MED13: variants seen among roughly 807,000 people sequenced by gnomAD.
The protein encoded by MED13 is mediator complex subunit 13.
MED13 carries 23 observed loss-of-function variants against 225.2 expected under a neutral mutation model. The ratio of observed to expected loss-of-function variants is 0.10; its 90% CI spans 0.07 to 0.14. MED13 has a LOEUF of 0.14. Among genes scored for constraint, MED13 ranks in the 10% least tolerant of loss-of-function variants. MED13 has a pLI of 1.00. For missense variants in MED13, 2,197 were observed against 2,594.5 expected, an observed-to-expected ratio of 0.85 and a Z score of 3.33; for synonymous variants, 942 against 889.2, an observed-to-expected ratio of 1.06 and a Z score of -1.06.
At chr17:62,049,596 G>A (rs542298835) in intron 3 of MED13, among the ~76,000 whole-genome samples, 1 of 152,118 alleles carries the variant, frequency 6.6e-6, no homozygotes, top group Non-Finnish European at 1.5e-5. Context: ...GAAAAAAAGG[G>A]ATAATCATTA....
intron 3 of MED13, among the ~76,000 whole-genome samples, chr17:62,050,289 C>T (rs1278933940): frequency 6.7e-6 from 1 of 149,186 alleles, no homozygotes; most frequent in Non-Finnish European, 1.5e-5. Flanking sequence ...ACCTGGGAGG[C>T]AGAGGTTGCA....
intron 3 of MED13, among the ~76,000 whole-genome samples, chr17:62,049,758 A>G (rs1045998803): frequency 5.9e-5 from 9 of 151,598 alleles, no homozygotes; most frequent in Non-Finnish European, 8.8e-5. Context: ...GTGAAACCCC[A>G]TCTCTACTAA....
rs560416231 is a variant in MED13 at position 62,043,374 on chromosome 17, T to G, written c.471-7766A>C. The stretch of plus-strand genomic sequence containing the variant: ...ACATAATAATCTTGATGACAGACAT[T>G]AAGGACAAAACATTATAGACAGGCT... On this transcript the variant is annotated intron_variant, in intron 3 of 29. Coordinates refer to ENST00000397786, the MANE Select transcript of MED13 (RefSeq NM_005121.3). Among the ~76,000 whole-genome samples, 7 of 152,002 alleles carry G rather than the reference T, an allele frequency of 4.6e-5. No homozygotes were observed. The South Asian group carries it at 1.5e-3, about 32-fold the overall frequency.
chr17:61,980,684 C>G (rs1010065401), intron 16 of MED13, among the ~76,000 whole-genome samples: 4 of 152,144 alleles, frequency 2.6e-5, no homozygotes, highest in Admixed American at 2.6e-4. Flanking sequence ...ACTGAAACTG[C>G]CTTCCAACTG....
intron 2 of MED13, among the ~76,000 whole-genome samples, chr17:62,057,209 T>C (rs1385639829): frequency 3.3e-5 from 5 of 152,216 alleles, no homozygotes; most frequent in African/African-American, 1.2e-4. Context: ...AAATACCATG[T>C]ATTTCCTGAA....
intron 3 of MED13, among the ~76,000 whole-genome samples, chr17:62,046,240 T>A (rs1391142239): frequency 6.6e-6 from 1 of 152,212 alleles, no homozygotes; most frequent in Non-Finnish European, 1.5e-5. Flanking sequence ...AAGATAGACT[T>A]AGCTGCTTGA....
At chr17:62,022,880 C>T (rs1367521138) in intron 8 of MED13, among the ~76,000 whole-genome samples, 1 of 152,034 alleles carries the variant, frequency 6.6e-6, no homozygotes, top group African/African-American at 2.4e-5. Context: ...CATTGAGGCA[C>T]ACACCTGTAG....
chr17:61,984,414 G>T, intron 14 of MED13, 47 bp from the exon 15 acceptor site: 1 of 1,373,170 alleles, frequency 7.3e-7, no homozygotes, highest in Non-Finnish European at 9.8e-7. Context: ...CTTCTAGGAG[G>T]AAAAAATAAA....
chr17:61,959,726 C>CTTTTTT (rs11288442), intron 23 of MED13, among the ~76,000 whole-genome samples: 1 of 119,688 alleles, frequency 8.4e-6, no homozygotes, highest in Non-Finnish European at 1.7e-5. Flanking sequence ...GAACCCAAAT[C>CTTTTTT]TTTTTTTTTT....
In MED13 at chr17:62,029,625, C is replaced by T; in HGVS notation, c.1199G>A (p.Gly400Asp). The T allele has an allele frequency of 3.1e-6, 5 of 1,613,894 alleles. No homozygotes were observed. The highest frequency in any genetic ancestry group is 4.2e-6 in the Non-Finnish European group (5 of 1,179,906). ...NKRKYSASSG[G>D]LCEEATAAKV... is the part of the protein sequence containing the mutation. ...AGCAGCTGTCGCTTCTTCGCATAGA[C>T]CACCTGATGAAGCAGAATACTTCCT... Residue 400 changes from glycine to aspartate, a missense_variant, in exon 8 of 30, where the codon GGT becomes GAT. This residue lies in a region of MED13 where 884 missense variants were observed against 918.5 expected (regional missense o/e 0.96). Coordinates refer to ENST00000397786, the MANE Select transcript of MED13 (RefSeq NM_005121.3).
At chr17:62,008,620 C>CA (rs1002291027) in intron 9 of MED13, among the ~76,000 whole-genome samples, 12 of 151,874 alleles carry the variant, frequency 7.9e-5, no homozygotes, top group African/African-American at 2.7e-4. Context: ...AGCATGAGGG[C>CA]AAAAAAATCA....
At chr17:62,049,320 G>C (rs944505069) in intron 3 of MED13, among the ~76,000 whole-genome samples, 19 of 152,184 alleles carry the variant, frequency 1.2e-4, no homozygotes, top group Admixed American at 1.2e-3. Flanking sequence ...CTAATAGATA[G>C]TCTACTGATG....
intron 28 of MED13, among the ~76,000 whole-genome samples, chr17:61,947,800 T>C (rs1273402582): frequency 6.6e-6 from 1 of 152,178 alleles, no homozygotes; most frequent in Non-Finnish European, 1.5e-5. Flanking sequence ...CACACTCCAA[T>C]TAAATGAGTC....
chr17:61,958,931 G>A (rs967146326), intron 23 of MED13, among the ~76,000 whole-genome samples: 1 of 151,964 alleles, frequency 6.6e-6, no homozygotes, highest in Non-Finnish European at 1.5e-5. Context: ...CTGCATAAGG[G>A]TAGTTTTTCC....
In MED13 at chr17:61,965,467, A is replaced by T. The variant is rs61753866; in HGVS notation, c.4383T>A (p.Gly1461=). ...LYAQVCRYDL[G]PYLASLPLDS... Reference sequence around the variant, plus strand: ...CCAATGGCAGGGAAGCAAGATAAGGACCTAAAGAATAAAAACAGGTACGAA... The same window carrying T: ...CCAATGGCAGGGAAGCAAGATAAGGTCCTAAAGAATAAAAACAGGTACGAA... The change falls in exon 20 of 30, where the codon GGT becomes GGA. Residue 1461 remains glycine, a splice_region_variant and synonymous_variant. Coordinates refer to ENST00000397786, the MANE Select transcript of MED13 (RefSeq NM_005121.3). 6.2e-7 allele frequency: 1 copy of T among 1,603,064 alleles called. No individual in the cohort carries two copies. Among genetic ancestry groups the T allele is most frequent in the Admixed American group, 1.7e-5 (1 of 57,342 alleles).
At chr17:62,027,073 T>C (rs1000635341) in intron 8 of MED13, among the ~76,000 whole-genome samples, 5 of 152,148 alleles carry the variant, frequency 3.3e-5, no homozygotes, top group African/African-American at 1.2e-4. Flanking sequence ...TTCACAGAAC[T>C]AGGAAAAACT....
chr17:62,021,489 C>T (rs868647378), intron 8 of MED13, among the ~76,000 whole-genome samples: 68 of 151,222 alleles, frequency 4.5e-4, no homozygotes, highest in African/African-American at 1.6e-3. Context: ...CCAGTAGGGG[C>T]GGCCGGGCAG....
intron 11 of MED13, among the ~76,000 whole-genome samples, chr17:61,991,370 C>T (rs1410714904): frequency 2.6e-5 from 4 of 151,832 alleles, no homozygotes; most frequent in African/African-American, 7.3e-5. Flanking sequence ...CCACCTGCCT[C>T]GGCCTTACAG....
intron 11 of MED13, among the ~76,000 whole-genome samples, chr17:61,990,586 TCACTA>T (rs1268619798): frequency 6.8e-6 from 1 of 148,058 alleles, no homozygotes; most frequent in East Asian, 1.9e-4. Flanking sequence ...GTATAGGGTC[TCACTA>T]TATATATATA....
Sources: allele counts gnomAD v4.1 joint callset (sites outside exome capture counted in the v4.1 genomes callset), GRCh38; gene constraint gnomAD v4.1.1; regional missense constraint gnomAD v4.1.1; transcripts MANE v1.5; gene names NCBI Gene and HGNC (gene_info 2026-07-23, HGNC 2026-07-21).